Variants in UNC5C observed in about 807,000 individuals in gnomAD.
UNC5C encodes the protein unc-5 netrin receptor C, also known as netrin receptor UNC5C.
A neutral mutation model predicts 99.8 loss-of-function variants in UNC5C; 47 were observed. The observed-to-expected ratio is 0.47, with a 90% CI of 0.37 to 0.60. The LOEUF (loss-of-function observed/expected upper bound fraction) is 0.60, where lower values mean the gene tolerates loss of function less well. Ranked by LOEUF, UNC5C falls within the 20% of genes least tolerant of loss-of-function variation. The pLI is 0.00. For missense variants in UNC5C, 1,062 were observed against 1,165.9 expected (o/e 0.91, Z 1.30); for synonymous variants, 487 against 452.2 (o/e 1.08, Z -0.98).
intron 14 of UNC5C, among the ~76,000 whole-genome samples, chr4:95,174,598 GTCTGAGAGATAGTTTGTTATAATT>G (rs1736259055): frequency 1.3e-5 from 2 of 152,054 alleles, no homozygotes; most frequent in South Asian, 4.2e-4. Flanking sequence ...TTGCACTGTG[GTCTGAGAGATAGTTTGTTATAATT>G]TCTGTTCATT....
chr4:95,473,012 T>C (rs1458605351), intron 1 of UNC5C, among the ~76,000 whole-genome samples: 3 of 152,140 alleles, frequency 2.0e-5, no homozygotes, highest in Non-Finnish European at 4.4e-5. Flanking sequence ...ACAAATTAGT[T>C]AATAATGAAA....
chr4:95,218,158 G>A (rs576347925), intron 9 of UNC5C, among the ~76,000 whole-genome samples: 28 of 152,138 alleles, frequency 1.8e-4, no homozygotes, highest in Non-Finnish European at 2.8e-4. Flanking sequence ...AGGTATTACT[G>A]TATTTACAAA....
intron 1 of UNC5C, among the ~76,000 whole-genome samples, chr4:95,365,720 A>G (rs1744541830): frequency 2.0e-5 from 3 of 152,136 alleles, no homozygotes; most frequent in African/African-American, 4.8e-5. Flanking sequence ...ACATGTTCTA[A>G]ATATCAATGC....
At chr4:95,193,009 G>A (rs1737219326) in intron 12 of UNC5C, among the ~76,000 whole-genome samples, 2 of 152,218 alleles carry the variant, frequency 1.3e-5, no homozygotes, top group East Asian at 1.9e-4. Flanking sequence ...AATGATTAAA[G>A]TTAAGTCTCA....
At chr4:95,281,414 C>A (rs1741056469) in intron 3 of UNC5C, among the ~76,000 whole-genome samples, 1 of 152,076 alleles carries the variant, frequency 6.6e-6, no homozygotes, top group Non-Finnish European at 1.5e-5. Flanking sequence ...GAAAGGCAAA[C>A]CCTCAAAGGA....
At chr4:95,473,472 T>C (rs181653958) in intron 1 of UNC5C, among the ~76,000 whole-genome samples, 1 of 152,274 alleles carries the variant, frequency 6.6e-6, no homozygotes, top group Admixed American at 6.5e-5. Flanking sequence ...TTTCTCTTTT[T>C]TGCTGAGAAA....
intron 2 of UNC5C, among the ~76,000 whole-genome samples, chr4:95,327,081 T>G (rs941555985): frequency 7.2e-5 from 11 of 152,214 alleles, no homozygotes; most frequent in Non-Finnish European, 1.3e-4. Context: ...TAATGTATTC[T>G]AACATTTCTT....
In UNC5C at chr4:95,245,008, C is replaced by T. The variant is rs759398118; in HGVS notation, c.912G>A (p.Val304=). 3 of 1,613,856 alleles carry T rather than the reference C, an allele frequency of 1.9e-6. No homozygotes were observed. Among genetic ancestry groups the T allele is most frequent in the Non-Finnish European group, 2.5e-6 (3 of 1,179,934 alleles). ...ATAACGTAGTACAGGCTATTTTCTG[C>T]ACACTCTGCCCTTCACAGAAGGCAC... is the stretch of plus-strand genomic sequence containing the variant. ...NGGAFCEGQS[V]QKIACTTLCP... Residue 304 remains valine (V), a synonymous_variant, in exon 6 of 16, where the codon GTG becomes GTA. Coordinates refer to ENST00000453304, the MANE Select transcript of UNC5C (RefSeq NM_003728.4).
intron 1 of UNC5C, among the ~76,000 whole-genome samples, chr4:95,355,569 C>T (rs910059139): frequency 6.6e-6 from 1 of 152,022 alleles, no homozygotes; most frequent in African/African-American, 2.4e-5. Context: ...ACCGTTGTGC[C>T]TATCACACAG....
At chr4:95,239,855 C>G (rs1739269330) in intron 7 of UNC5C, among the ~76,000 whole-genome samples, 1 of 152,058 alleles carries the variant, frequency 6.6e-6, no homozygotes, top group Admixed American at 6.6e-5. Context: ...CATTGTATTC[C>G]TCTTAAGTAC....
intron 1 of UNC5C, among the ~76,000 whole-genome samples, chr4:95,540,264 A>G (rs892055489): frequency 6.6e-6 from 1 of 152,204 alleles, no homozygotes; most frequent in Non-Finnish European, 1.5e-5. Context: ...ATTTAGGTAA[A>G]AGTTTCAAGT....
chr4:95,524,381 G>A (rs937979330), intron 1 of UNC5C, among the ~76,000 whole-genome samples: 4 of 152,146 alleles, frequency 2.6e-5, no homozygotes, highest in African/African-American at 7.2e-5. Context: ...TGCAACAGGG[G>A]CGATTATTAT....
chr4:95,254,996 G>GT (rs545985223), intron 4 of UNC5C, among the ~76,000 whole-genome samples: 2,300 of 141,466 alleles, frequency 0.016, 40 homozygotes, highest in African/African-American at 0.049. Context: ...GTTGTTTTTT[G>GT]TTTTTTTTTT....
Position 95,270,091 on chromosome 4 carries a change from T to C in UNC5C, c.594+8168A>G, listed in dbSNP as rs74402359. Among the ~76,000 whole-genome samples the C allele has an allele frequency of 3.9e-5, 6 of 152,280 alleles. No individual in the cohort carries two copies. The East Asian group carries it at 1.2e-3, about 29-fold the overall frequency. On this transcript the variant is annotated intron_variant, in intron 4 of 15. Transcript: ENST00000453304. Reference sequence around the variant, plus strand: ...TTTCACAGGTAGGTTTGGCTCTAATTGCTCCGGAGTTTGAAGTCCTACTAT... The same window carrying C: ...TTTCACAGGTAGGTTTGGCTCTAATCGCTCCGGAGTTTGAAGTCCTACTAT...
At chr4:95,346,986 T>G (rs1743799402) in intron 1 of UNC5C, among the ~76,000 whole-genome samples, 1 of 152,006 alleles carries the variant, frequency 6.6e-6, no homozygotes. Context: ...TATCCTTGTT[T>G]GCAGATGAGA....
Position 95,219,111 on chromosome 4 carries a change from C to T in UNC5C, c.1503G>A (p.Leu501=), listed in dbSNP as rs748623691. The change falls in exon 9 of 16, where the codon CTG becomes CTA. Residue 501 remains leucine, a synonymous_variant. Transcript: ENST00000453304. ...QDDLSEFTSK[L]SPQMTQSLLE... ...ACAACGACTGGGTCATCTGAGGGGA[C>T]AGCTTGGACGTAAACTCAGAGAGGT... The T allele has an allele frequency of 1.3e-5, 21 of 1,614,140 alleles. No homozygotes were observed. Among genetic ancestry groups the T allele is most frequent in the Non-Finnish European group, 1.7e-5 (20 of 1,180,026 alleles).
At chr4:95,339,047 G>A (rs1743456180) in intron 1 of UNC5C, among the ~76,000 whole-genome samples, 1 of 152,058 alleles carries the variant, frequency 6.6e-6, no homozygotes, top group Admixed American at 6.6e-5. Context: ...TCACTTCATG[G>A]AAAGTCTGAA....
At chr4:95,465,995 C>T (rs1349367030) in intron 1 of UNC5C, among the ~76,000 whole-genome samples, 1 of 152,136 alleles carries the variant, frequency 6.6e-6, no homozygotes, top group Admixed American at 6.5e-5. Flanking sequence ...GTCAAGTAAA[C>T]CTGGTCATTC....
chr4:95,200,886 T>C (rs1737628736), intron 12 of UNC5C, among the ~76,000 whole-genome samples: 1 of 152,092 alleles, frequency 6.6e-6, no homozygotes, highest in Non-Finnish European at 1.5e-5. Flanking sequence ...TCATACGTTG[T>C]AATCCTAACC....
Sources: gnomAD v4.1 joint callset for allele counts (sites outside exome capture counted in the v4.1 genomes callset) on GRCh38, gnomAD v4.1.1 for gene constraint, MANE v1.5 for transcripts, NCBI Gene and HGNC (gene_info 2026-07-23, HGNC 2026-07-21) for gene names.